KIRREL3: variants seen among roughly 807,000 people sequenced by gnomAD.
The protein encoded by KIRREL3 is kin of IRRE-like protein 3.
A neutral mutation model predicts 89.7 loss-of-function variants in KIRREL3; 36 were observed. That is an observed-to-expected ratio of 0.40 (90% CI 0.31 to 0.53). KIRREL3 has a LOEUF of 0.53. KIRREL3 is among the 20% of genes least tolerant of loss of function. KIRREL3 has a pLI of 0.49. For synonymous variants in KIRREL3, 445 were observed against 441.4 expected (o/e 1.01, Z -0.10); for missense variants, 864 against 1,056.6 (o/e 0.82, Z 2.53).
chr11:126,500,730 A>T (rs1957827982), intron 4 of KIRREL3, among the ~76,000 whole-genome samples: 1 of 126,840 alleles, frequency 7.9e-6, no homozygotes, highest in African/African-American at 3.4e-5. Context: ...ACAGAGTGAG[A>T]CTTTAACTCA....
At position 126,431,267 on chromosome 11, in the gene KIRREL3, C is replaced by T. The variant is rs543386080; in HGVS notation, c.1696+152G>A. On this transcript the variant is annotated intron_variant, in intron 14 of 16. Transcript: ENST00000525144. The surrounding 1 kb of genome is among the most constrained non-coding windows in gnomAD (Gnocchi z 7.1). ...GCCATGTTGCCCAGGCTCACATACA[C>T]CGATGCATCAGACCCACTCCCTGCC... The T allele has an allele frequency of 4.8e-5, 74 of 1,544,764 alleles. No homozygotes were observed. In the South Asian group the frequency reaches 8.5e-4, roughly 18 times the overall value.
chr11:126,632,858 G>A (rs1423088199), intron 1 of KIRREL3, among the ~76,000 whole-genome samples: 2 of 110,944 alleles, frequency 1.8e-5, no homozygotes, highest in Non-Finnish European at 3.9e-5. Context: ...TTGGCAGGCC[G>A]AGGTGGGCAG....
rs1946212146 is a variant in KIRREL3, at chr11:126,897,460, T to C, written c.55+102995A>G. Among the ~76,000 whole-genome samples the C allele has an allele frequency of 6.6e-6, 1 of 152,186 alleles. No individual in the cohort carries two copies. The highest frequency in any genetic ancestry group is 6.5e-5 in the Admixed American group (1 of 15,286). On this transcript the variant is annotated intron_variant, in intron 1 of 16. Transcript: ENST00000525144. This position sits in a 1 kb window ranked among gnomAD's most constrained non-coding sequence, Gnocchi z 4.2. ...AACTGTACCCCAGAACAGTCCATCA[T>C]GAACTTGGACCTTTGTCACTCACCT...
chr11:126,771,141 C>A lies in KIRREL3; in HGVS notation c.56-208229G>T, dbSNP rs565546895. Among the ~76,000 whole-genome samples the A allele has an allele frequency of 6.6e-6, 1 of 152,090 alleles. No individual in the cohort carries two copies. The highest frequency in any genetic ancestry group is 2.4e-5 in the African/African-American group (1 of 41,408). Reference sequence around the variant, plus strand: ...CATGAGCCACTTCCTCTGGCCAGAACGATCATTTATTAAAGAGTGTTGTAT... The same window carrying A: ...CATGAGCCACTTCCTCTGGCCAGAAAGATCATTTATTAAAGAGTGTTGTAT... On this transcript the variant is annotated intron_variant, in intron 1 of 16. Coordinates refer to ENST00000525144, the MANE Select transcript of KIRREL3 (RefSeq NM_032531.4). This position sits in a 1 kb window ranked among gnomAD's most constrained non-coding sequence, Gnocchi z 4.4.
intron 1 of KIRREL3, among the ~76,000 whole-genome samples, chr11:126,959,824 C>A (rs1949030950): frequency 6.6e-6 from 1 of 152,172 alleles, no homozygotes; most frequent in South Asian, 2.1e-4. Flanking sequence ...AGGATGTGGA[C>A]TGTGCCTCCA....
chr11:126,476,188 C>T lies in KIRREL3; in HGVS notation c.434-2722G>A, dbSNP rs1456067954. 6.6e-6 allele frequency among the ~76,000 whole-genome samples: 1 copy of T among 152,216 alleles called. No individual in the cohort carries two copies. Among genetic ancestry groups the T allele is most frequent in the Admixed American group, 6.5e-5 (1 of 15,284 alleles). ...TTTGAAGCCTTGACTGCATGCTCCTCTGCAGAGGTTTTAAAACCTCACTGC... is the reference window on the plus strand; with the variant it reads ...TTTGAAGCCTTGACTGCATGCTCCTTTGCAGAGGTTTTAAAACCTCACTGC... On this transcript the variant is annotated intron_variant, in intron 4 of 16. Transcript: ENST00000525144. The surrounding 1 kb of genome is among the most constrained non-coding windows in gnomAD (Gnocchi z 6.4).
chr11:126,709,819 G>A lies in KIRREL3; in HGVS notation c.56-146907C>T, dbSNP rs1228386653. On this transcript the variant is annotated intron_variant, in intron 1 of 16. Coordinates refer to ENST00000525144, the MANE Select transcript of KIRREL3 (RefSeq NM_032531.4). The surrounding 1 kb of genome is among the most constrained non-coding windows in gnomAD (Gnocchi z 4.0). ...GTGGTATTTTGTTACAGCAGCCCAG[G>A]GAAACTAATACAGGAGGCCGGGCAG... Among the ~76,000 whole-genome samples the A allele has an allele frequency of 6.6e-6, 1 of 152,138 alleles. No individual in the cohort carries two copies. The highest frequency in any genetic ancestry group is 1.5e-5 in the Non-Finnish European group (1 of 68,030).
intron 1 of KIRREL3, among the ~76,000 whole-genome samples, chr11:126,885,879 C>A (rs1354955534): frequency 1.3e-5 from 2 of 152,176 alleles, no homozygotes; most frequent in African/African-American, 2.4e-5. Context: ...GTGAGGCTCA[C>A]AGATAAGCAT....
At position 126,761,014 on chromosome 11, in the gene KIRREL3, A is replaced by C. The variant is rs1949652083; in HGVS notation, c.56-198102T>G. On this transcript the variant is annotated intron_variant, in intron 1 of 16. Transcript: ENST00000525144. The surrounding 1 kb of genome is among the most constrained non-coding windows in gnomAD (Gnocchi z 4.4). ...TCCAGGACAGATACCGTTAAACATA[A>C]ATGAAAGAGGGAAGATGAAGCCCAG... is the stretch of plus-strand genomic sequence containing the variant. 6.6e-6 allele frequency among the ~76,000 whole-genome samples: 1 copy of C among 152,154 alleles called. No individual in the cohort carries two copies. Among genetic ancestry groups the C allele is most frequent in the Non-Finnish European group, 1.5e-5 (1 of 68,022 alleles).
intron 1 of KIRREL3, among the ~76,000 whole-genome samples, chr11:126,716,755 G>GGGT (rs1555181305): frequency 3.4e-5 from 5 of 146,534 alleles, no homozygotes; most frequent in African/African-American, 7.8e-5. Context: ...TGTTGGGGGG[G>GGGT]GGGGGAAGTG....
intron 1 of KIRREL3, among the ~76,000 whole-genome samples, chr11:126,573,527 G>A (rs774070354): frequency 1.5e-4 from 21 of 143,194 alleles, no homozygotes; most frequent in Admixed American, 2.1e-4. Context: ...AGGACCCAGC[G>A]GAAAAGGCAG....
chr11:126,730,982 AC>A (rs940129959), intron 1 of KIRREL3, among the ~76,000 whole-genome samples: 2 of 151,808 alleles, frequency 1.3e-5, no homozygotes, highest in African/African-American at 2.4e-5. Flanking sequence ...CTCGTGATCC[AC>A]CCGTCTCGGC....
chr11:126,886,153 C>G (rs1205709862), intron 1 of KIRREL3, among the ~76,000 whole-genome samples: 2 of 152,180 alleles, frequency 1.3e-5, no homozygotes, highest in African/African-American at 4.8e-5. Context: ...CCCACGAATA[C>G]TTACAGATGG....
chr11:126,481,391 T>C (rs1442806264), intron 4 of KIRREL3, among the ~76,000 whole-genome samples: 1 of 152,200 alleles, frequency 6.6e-6, no homozygotes, highest in Non-Finnish European at 1.5e-5. Context: ...AACTCACATC[T>C]TTAAGCTGAC....
At position 126,576,204 on chromosome 11, in the gene KIRREL3, G is replaced by T. The variant is rs768175861; in HGVS notation, c.56-13292C>A. On this transcript the variant is annotated intron_variant, in intron 1 of 16. Coordinates refer to ENST00000525144, the MANE Select transcript of KIRREL3 (RefSeq NM_032531.4). This position sits in a 1 kb window ranked among gnomAD's most constrained non-coding sequence, Gnocchi z 5.4. ...GGCCAAGATGAGGGCTGAGGTCTGA[G>T]ATCTCTGCTGGTTTGAGAATGGGAC... is the stretch of plus-strand genomic sequence containing the variant. Among the ~76,000 whole-genome samples the T allele has an allele frequency of 2.4e-4, 36 of 152,326 alleles. No homozygotes were observed. The highest frequency in any genetic ancestry group is 3.7e-4 in the Non-Finnish European group (25 of 68,026).
At chr11:126,483,741 C>A (rs1957281031) in intron 4 of KIRREL3, among the ~76,000 whole-genome samples, 1 of 152,232 alleles carries the variant, frequency 6.6e-6, no homozygotes, top group African/African-American at 2.4e-5. Flanking sequence ...GGATAGCCTG[C>A]CCTTTTACAA....
intron 1 of KIRREL3, among the ~76,000 whole-genome samples, chr11:126,911,544 G>A (rs1946814102): frequency 6.6e-6 from 1 of 152,132 alleles, no homozygotes; most frequent in African/African-American, 2.4e-5. Flanking sequence ...GATTTCTGCT[G>A]TGCCCCTCCT....
intron 1 of KIRREL3, among the ~76,000 whole-genome samples, chr11:126,799,402 CTA>C (rs1478454461): frequency 0.13 from 269 of 2,070 alleles, 15 homozygotes; most frequent in South Asian, 0.23. Context: ...GTGTGTGCAT[CTA>C]TCTGTGTGTG....
At chr11:126,548,143 A>G (rs778881964) in intron 2 of KIRREL3, among the ~76,000 whole-genome samples, 3 of 151,974 alleles carry the variant, frequency 2.0e-5, no homozygotes, top group Non-Finnish European at 4.4e-5. Context: ...GTCCTCCACG[A>G]GCCTGTCATC....
Sources: allele counts gnomAD v4.1 joint callset (sites outside exome capture counted in the v4.1 genomes callset), GRCh38; gene constraint gnomAD v4.1.1; non-coding constraint Gnocchi (gnomAD v3.1); transcripts MANE v1.5; gene names NCBI Gene and HGNC (gene_info 2026-07-23, HGNC 2026-07-21).